Variants in SERPINB4 observed in about 807,000 individuals in gnomAD.
The protein encoded by SERPINB4 is serpin family B member 4.
SERPINB4 carries 39 observed loss-of-function variants against 33.2 expected under a neutral mutation model. The observed-to-expected ratio is 1.18, with a 90% CI of 0.91 to 1.53. The LOEUF is 1.53. SERPINB4 is among the 40% of genes most tolerant of loss of function. The pLI, the probability that SERPINB4 is intolerant of heterozygous loss-of-function variation, is 0.00. For missense variants in SERPINB4, 564 were observed against 455.4 expected, an observed-to-expected ratio of 1.24 and a Z score of -2.17; for synonymous variants, 191 against 166.4, an observed-to-expected ratio of 1.15 and a Z score of -1.14.
chr18:63,638,244 A>G (rs540771326), intron 7 of SERPINB4, 121 bp from the exon 8 acceptor site: 19 of 1,086,280 alleles, frequency 1.7e-5, no homozygotes, highest in East Asian at 1.5e-4. Flanking sequence ...CAGAAGGTTC[A>G]CTTTAATAGA....
chr18:63,638,952 A>C (rs1490517401), intron 7 of SERPINB4, among the ~76,000 whole-genome samples: 1 of 152,070 alleles, frequency 6.6e-6, no homozygotes, highest in Admixed American at 6.6e-5. Flanking sequence ...CCTAAAGCTT[A>C]AAGTATTATA....
chr18:63,638,858 G>C (rs1279274525), intron 7 of SERPINB4, among the ~76,000 whole-genome samples: 1 of 149,956 alleles, frequency 6.7e-6, no homozygotes, highest in Non-Finnish European at 1.5e-5. Context: ...TATACCTAAC[G>C]CTAAATGACG....
chr18:63,643,958 A>T (rs559258706), intron 1 of SERPINB4, among the ~76,000 whole-genome samples: 1 of 151,958 alleles, frequency 6.6e-6, no homozygotes, highest in East Asian at 1.9e-4. Flanking sequence ...TGCGTCCCTG[A>T]CATCTCCTTC....
Position 63,639,785 on chromosome 18 carries a change from G to C in SERPINB4, c.470-9C>G. The C allele has an allele frequency of 6.2e-7, 1 of 1,605,980 alleles. No homozygotes were observed. Among genetic ancestry groups the C allele is most frequent in the Non-Finnish European group, 8.5e-7 (1 of 1,175,810 alleles). On this transcript the variant is annotated splice_polypyrimidine_tract_variant and intron_variant, in intron 5 of 7. Coordinates refer to ENST00000341074, the MANE Select transcript of SERPINB4 (RefSeq NM_002974.4). ...TAGGTTTTTAATTTTTTCTGCAAGG[G>C]AAAGAATAAAAGAGTCTTTTACACA...
Position 63,637,663 on chromosome 18 carries a change from T to C in SERPINB4, c.*56A>G, listed in dbSNP as rs1198661039. On this transcript the variant is annotated 3_prime_UTR_variant, in exon 8 of 8. Transcript: ENST00000341074. ...GAATCTGTTGTTGCCAGCAATCAGT[T>C]TACCAGAACACCTCTAGGTGAACAT... is the stretch of plus-strand genomic sequence containing the variant. The C allele has an allele frequency of 6.6e-7, 1 of 1,510,376 alleles. No homozygotes were observed. Among genetic ancestry groups the C allele is most frequent in the Non-Finnish European group, 8.9e-7 (1 of 1,126,010 alleles). The allele number at this position is 1,510,376 out of a possible 1,614,324, so 93.6% of individuals were successfully genotyped here. A position where few individuals can be genotyped will look rare whatever the true frequency, so the allele number is the denominator to read the frequency against.
At chr18:63,642,250 G>A (rs1196033262) in intron 3 of SERPINB4, among the ~76,000 whole-genome samples, 1 of 152,090 alleles carries the variant, frequency 6.6e-6, no homozygotes, top group African/African-American at 2.4e-5. Flanking sequence ...CAGTCATCAA[G>A]GATACGAGTA....
Position 63,641,754 on chromosome 18 carries a change from A to C in SERPINB4, c.351+6T>G, listed in dbSNP as rs765542130. 52 of 1,613,058 alleles carry C rather than the reference A, an allele frequency of 3.2e-5. No individual in the cohort carries two copies. The highest frequency in any genetic ancestry group is 4.4e-5 in the Non-Finnish European group (52 of 1,179,384). On this transcript the variant is annotated splice_donor_region_variant and intron_variant, in intron 4 of 7. Transcript: ENST00000341074. ...AATGAAATGTGGGTAGGCCAGGTGAAATTACCTGTAAAAATTGATACGTCT... is the reference window on the plus strand; with the variant it reads ...AATGAAATGTGGGTAGGCCAGGTGACATTACCTGTAAAAATTGATACGTCT...
In SERPINB4 at chr18:63,638,129, C is replaced by T. The variant is rs753103194; in HGVS notation, c.769-6G>A. The T allele has an allele frequency of 1.2e-6, 2 of 1,607,212 alleles. No individual in the cohort carries two copies. Among genetic ancestry groups the T allele is most frequent in the Non-Finnish European group, 8.5e-7 (1 of 1,176,836 alleles). On this transcript the variant is annotated splice_region_variant and splice_polypyrimidine_tract_variant and intron_variant, in intron 7 of 7. Transcript: ENST00000341074. Reference sequence around the variant, plus strand: ...GCAGTGAGTTTCTCTTCAAGCTATACAAATGGAAAAAAGAAACTGATATGA... The same window carrying T: ...GCAGTGAGTTTCTCTTCAAGCTATATAAATGGAAAAAAGAAACTGATATGA...
chr18:63,642,829 TACCC>T, intron 3 of SERPINB4: 1 of 250,146 alleles, frequency 4.0e-6, no homozygotes, highest in Non-Finnish European at 7.7e-6. Flanking sequence ...GATTTTTTCT[TACCC>T]TTAGTTTTCT....
At position 63,639,664 on chromosome 18, in the gene SERPINB4, G is replaced by A. The variant is rs1237105361; in HGVS notation, c.582C>T (p.Asn194=). 2 of 1,609,550 alleles carry A rather than the reference G, an allele frequency of 1.2e-6. No individual in the cohort carries two copies. Among genetic ancestry groups the A allele is most frequent in the African/African-American group, 1.3e-5 (1 of 74,724 alleles). Residue 194 remains asparagine (N), a synonymous_variant, in exon 6 of 8, where the codon AAC becomes AAT. Coordinates refer to ENST00000341074, the MANE Select transcript of SERPINB4 (RefSeq NM_002974.4). Reference sequence around the variant, plus strand: ...TTGGCCAAAATTTTTCCTCTTTAGTGTTTTCTTTTTTAAATTTATTCTCCC... The same window carrying A: ...TTGGCCAAAATTTTTCCTCTTTAGTATTTTCTTTTTTAAATTTATTCTCCC... The part of the protein sequence containing the change: ...GQWENKFKKE[N]TKEEKFWPNK...
At chr18:63,641,476 C>T (rs1333580457) in intron 4 of SERPINB4, among the ~76,000 whole-genome samples, 1 of 152,072 alleles carries the variant, frequency 6.6e-6, no homozygotes, top group Admixed American at 6.6e-5. Flanking sequence ...TGAGTCAGTG[C>T]CAGTTTATCG....
At chr18:63,642,890 C>T in intron 3 of SERPINB4, 1 of 452,234 alleles carries the variant, frequency 2.2e-6, no homozygotes, top group Non-Finnish European at 4.0e-6. Context: ...TGCTCTTATT[C>T]ATCATTTGTG....
chr18:63,643,640 A>T lies in SERPINB4; in HGVS notation c.-26-37T>A, dbSNP rs528344472. 7 of 1,565,376 alleles carry T rather than the reference A, an allele frequency of 4.5e-6. No homozygotes were observed. In the Admixed American group the frequency reaches 1.2e-4, roughly 27 times the overall value. ...TCAGATTCCTGTCAGAATGACTTTA[A>T]TAAATGGAATGGTATTTTGTAGTAC... On this transcript the variant is annotated intron_variant, in intron 1 of 7. Transcript: ENST00000341074.
Position 63,643,428 on chromosome 18 carries a change from T to C in SERPINB4, c.150A>G (p.Ala50=), listed in dbSNP as rs1317420091. The C allele has an allele frequency of 1.4e-5, 22 of 1,613,580 alleles. No homozygotes were observed. The Admixed American group carries it at 2.2e-4, about 16-fold the overall frequency. ...MVLLGAKDNT[A]QQISKVLHFD... Reference sequence around the variant, plus strand: ...TGATAGCTACCTTGCTAATTTGTTGTGCAGTGTTGTCTTTGGCTCCTAAGA... The same window carrying C: ...TGATAGCTACCTTGCTAATTTGTTGCGCAGTGTTGTCTTTGGCTCCTAAGA... The change falls in exon 2 of 8, where the codon GCA becomes GCG. Residue 50 remains alanine (A), a synonymous_variant. Coordinates refer to ENST00000341074, the MANE Select transcript of SERPINB4 (RefSeq NM_002974.4).
rs150896887 is a variant in SERPINB4 at position 63,640,868 on chromosome 18, T to C, written c.469+6A>G. 1.1e-3 allele frequency: 1,816 copies of C among 1,609,334 alleles called. 10 individuals carry two copies. The highest frequency in any genetic ancestry group is 6.2e-3 in the South Asian group (564 of 90,962). Reference sequence around the variant, plus strand: ...AAGGTGTTTCTATAATGGGTGGCTCTCCTACCATTCGTTTGACTTTCCACC... The same window carrying C: ...AAGGTGTTTCTATAATGGGTGGCTCCCCTACCATTCGTTTGACTTTCCACC... On this transcript the variant is annotated splice_donor_region_variant and intron_variant, in intron 5 of 7. Transcript: ENST00000341074.
chr18:63,642,499 G>A (rs1249699375), intron 3 of SERPINB4, among the ~76,000 whole-genome samples: 2 of 151,994 alleles, frequency 1.3e-5, no homozygotes, highest in Admixed American at 1.3e-4. Flanking sequence ...AAAAAACCCT[G>A]TTTATAGAGA....
chr18:63,639,421 C>T, intron 6 of SERPINB4, 81 bp from the exon 7 acceptor site: 4 of 1,337,256 alleles, frequency 3.0e-6, no homozygotes, highest in Non-Finnish European at 4.1e-6. Context: ...AGCAACACAT[C>T]CTTCTTCTTC....
At chr18:63,642,103 G>T (rs553793676) in intron 3 of SERPINB4, among the ~76,000 whole-genome samples, 3 of 152,116 alleles carry the variant, frequency 2.0e-5, no homozygotes, top group Admixed American at 1.3e-4. Flanking sequence ...CTAACGTACT[G>T]CAATCTTTTC....
In SERPINB4 at chr18:63,637,912, T is replaced by C; in HGVS notation, c.980A>G (p.Lys327Arg). 12 of 1,613,562 alleles carry C rather than the reference T, an allele frequency of 7.4e-6. No individual in the cohort carries two copies. Among genetic ancestry groups the C allele is most frequent in the Non-Finnish European group, 1.0e-5 (12 of 1,179,712 alleles). ...MTWSHGLSVS[K>R]VLHKAFVEVT... ...CTCCACAAAGGCCTTGTGTAGGACTTTAGATACTGAGAGACCGTGGCTCCA... is the reference window on the plus strand; with the variant it reads ...CTCCACAAAGGCCTTGTGTAGGACTCTAGATACTGAGAGACCGTGGCTCCA... Residue 327 changes from lysine to arginine, a missense_variant, in exon 8 of 8, where the codon AAA becomes AGA. Physicochemically the swap from Lys to Arg is conservative, Grantham distance 26 (BLOSUM62 2). Coordinates refer to ENST00000341074, the MANE Select transcript of SERPINB4 (RefSeq NM_002974.4).
Sources: gnomAD v4.1 joint callset for allele counts (sites outside exome capture counted in the v4.1 genomes callset) on GRCh38, gnomAD v4.1.1 for gene constraint, MANE v1.5 for transcripts, NCBI Gene and HGNC (gene_info 2026-07-23, HGNC 2026-07-21) for gene names.